TUBB8: variants seen among roughly 807,000 people sequenced by gnomAD.
TUBB8 encodes tubulin beta 8 class VIII.
In TUBB8, 25 loss-of-function variants were observed where a neutral mutation model predicts 33.7. The observed-to-expected ratio is 0.74, with a 90% CI of 0.54 to 1.04. The LOEUF is 1.04. Ranked by LOEUF, TUBB8 falls within the 50% of genes least tolerant of loss-of-function variation. The probability of loss-of-function intolerance (pLI) is 0.00; values close to 1 mark genes in which losing one functional copy is unlikely to be tolerated. For synonymous variants in TUBB8, 245 were observed against 240.1 expected (o/e 1.02, Z -0.19); for missense variants, 279 against 608.0 (o/e 0.46, Z 5.69).
chr10:60,557 A>G (rs1231876014), intron 1 of TUBB8, among the ~76,000 whole-genome samples: 7 of 152,230 alleles, frequency 4.6e-5, no homozygotes, highest in Non-Finnish European at 1.0e-4. Flanking sequence ...AATGGCAATC[A>G]TTAAAAAGTC....
rs1208217202 is a variant in TUBB8 at position 47,561 on chromosome 10, G to T, written c.831C>A (p.Gly277=). 5.0e-6 allele frequency: 8 copies of T among 1,611,424 alleles called. No individual in the cohort carries two copies. The Admixed American group carries it at 5.0e-5, about 10-fold the overall frequency. The part of the protein sequence containing the change: ...MPGFAPLTSR[G]SQQYRALTVA... ...CAGTCAAGGCCCGGTACTGCTGGCTGCCCCGGCTGGTCAGTGGGGCAAAGC... is the reference window on the plus strand; with the variant it reads ...CAGTCAAGGCCCGGTACTGCTGGCTTCCCCGGCTGGTCAGTGGGGCAAAGC... Residue 277 remains glycine, a synonymous_variant, in exon 4 of 4, where the codon GGC becomes GGA. Transcript: ENST00000568584.
rs782114919 is a variant in TUBB8 at position 47,480 on chromosome 10, G to A, written c.912C>T (p.Asp304=). 335 of 1,612,140 alleles carry A rather than the reference G, an allele frequency of 2.1e-4. No homozygotes were observed. In the Middle Eastern group the frequency reaches 3.6e-3, roughly 17 times the overall value. The stretch of plus-strand genomic sequence containing the variant: ...CCGTTAGGTAGCGGCCGTGACGGGG[G>A]TCACAGGCAGCCATCATGTTCTTAG... ...FDAKNMMAAC[D]PRHGRYLTAA... is the part of the protein sequence containing the mutation. Residue 304 remains aspartate, a synonymous_variant, in exon 4 of 4, where the codon GAC becomes GAT. Coordinates refer to ENST00000568584, the MANE Select transcript of TUBB8 (RefSeq NM_177987.3).
At chr10:51,048 C>T (rs1554739515), upstream of TUBB8, among the ~76,000 whole-genome samples, 4 of 152,200 alleles carry the variant, frequency 2.6e-5, no homozygotes, top group African/African-American at 9.6e-5. Flanking sequence ...GTGGGAGGGA[C>T]CCAGTGGGAG....
At chr10:68,485 C>G (rs1244073689) in intron 1 of TUBB8, among the ~76,000 whole-genome samples, 2 of 152,228 alleles carry the variant, frequency 1.3e-5, no homozygotes, top group Non-Finnish European at 2.9e-5. Flanking sequence ...CAGACTCTCA[C>G]CGGGGTGCTT....
chr10:76,154 A>AC (rs1379755146), upstream of TUBB8, among the ~76,000 whole-genome samples: 49 of 150,934 alleles, frequency 3.2e-4, 1 homozygote, highest in Admixed American at 5.9e-4. Flanking sequence ...AAAAAAAAAA[A>AC]AAAAAACACG....
At chr10:48,317 C>T (rs1834397342) in intron 3 of TUBB8, 11 of 661,826 alleles carry the variant, frequency 1.7e-5, no homozygotes, top group South Asian at 1.3e-4. Context: ...AAACCTGAGA[C>T]GGGTTCACAG....
intron 1 of TUBB8, among the ~76,000 whole-genome samples, chr10:62,165 C>A (rs1321545198): frequency 2.0e-5 from 3 of 152,076 alleles, no homozygotes; most frequent in Non-Finnish European, 4.4e-5. Flanking sequence ...GTCCTCTCAT[C>A]GTTCTTTTCT....
chr10:52,455 T>C (rs1834480576), upstream of TUBB8, among the ~76,000 whole-genome samples: 2 of 152,210 alleles, frequency 1.3e-5, no homozygotes, highest in Admixed American at 6.5e-5. Flanking sequence ...AAGAAGCAAG[T>C]TTATTAGAAA....
At chr10:72,585 G>A (rs1554742487) in intron 1 of TUBB8, among the ~76,000 whole-genome samples, 1 of 151,188 alleles carries the variant, frequency 6.6e-6, no homozygotes, top group African/African-American at 2.4e-5. Flanking sequence ...TTGGCTCAGT[G>A]GCTCACGCAT....
intron 1 of TUBB8, among the ~76,000 whole-genome samples, chr10:57,124 A>G (rs77150937): frequency 6.6e-6 from 1 of 152,234 alleles, no homozygotes; most frequent in Non-Finnish European, 1.5e-5. Context: ...TTTTGACTCT[A>G]TGTCCCATTT....
chr10:56,198 C>G (rs11252400), intron 1 of TUBB8, among the ~76,000 whole-genome samples: 1 of 151,462 alleles, frequency 6.6e-6, no homozygotes, highest in Non-Finnish European at 1.5e-5. Flanking sequence ...ACTTTTATTT[C>G]TTTGGTAAAT....
rs782066065 is a variant in TUBB8 at position 47,483 on chromosome 10, A to C, written c.909T>G (p.Cys303Trp). The C allele has an allele frequency of 5.0e-6, 8 of 1,612,294 alleles. No homozygotes were observed. The highest frequency in any genetic ancestry group is 6.8e-6 in the Non-Finnish European group (8 of 1,180,010). Residue 303 changes from cysteine to tryptophan, a missense_variant, in exon 4 of 4, where the codon TGT (cysteine) becomes TGG (tryptophan). Around this residue, in one of 4 missense-constraint regions of TUBB8, gnomAD observed 123 missense variants for 228.9 expected, o/e 0.54. Coordinates refer to ENST00000568584, the MANE Select transcript of TUBB8 (RefSeq NM_177987.3). ...MFDAKNMMAA[C>W]DPRHGRYLTA... ...TTAGGTAGCGGCCGTGACGGGGGTCACAGGCAGCCATCATGTTCTTAGCAT... is the reference window on the plus strand; with the variant it reads ...TTAGGTAGCGGCCGTGACGGGGGTCCCAGGCAGCCATCATGTTCTTAGCAT...
At chr10:61,038 G>A (rs1834595642) in intron 1 of TUBB8, among the ~76,000 whole-genome samples, 1 of 139,216 alleles carries the variant, frequency 7.2e-6, no homozygotes, top group Non-Finnish European at 1.5e-5. Context: ...AGATCACATG[G>A]ACCAGGAAGG....
At chr10:49,307 G>C (rs797032475), upstream of TUBB8, 8 of 1,501,954 alleles carry the variant, frequency 5.3e-6, no homozygotes, top group Non-Finnish European at 7.2e-6. Flanking sequence ...GACCCAGCCC[G>C]CCCTCCGCCA....
At chr10:68,893 T>C (rs1487065094) in intron 1 of TUBB8, among the ~76,000 whole-genome samples, 1 of 152,228 alleles carries the variant, frequency 6.6e-6, no homozygotes, top group Admixed American at 6.5e-5. Flanking sequence ...TTTTCTGGAA[T>C]GTTCCTGAGC....
At chr10:59,530 C>T (rs1332300816) in intron 1 of TUBB8, among the ~76,000 whole-genome samples, 1 of 152,192 alleles carries the variant, frequency 6.6e-6, no homozygotes, top group East Asian at 1.9e-4. Context: ...GACTGATTTG[C>T]ATGTTGAACC....
upstream of TUBB8, among the ~76,000 whole-genome samples, chr10:74,905 A>C (rs1588283674): frequency 1.7e-5 from 2 of 117,712 alleles, no homozygotes; most frequent in African/African-American, 6.7e-5. Context: ...ACGGAGTTTC[A>C]CTCTTATTGC....
intron 1 of TUBB8, among the ~76,000 whole-genome samples, chr10:63,065 C>A (rs1330459050): frequency 6.8e-6 from 1 of 146,486 alleles, no homozygotes; most frequent in Non-Finnish European, 1.5e-5. Context: ...AATATTATTT[C>A]TTTAAATAAA....
chr10:59,866 G>A (rs1187093566), intron 1 of TUBB8, among the ~76,000 whole-genome samples: 5 of 152,166 alleles, frequency 3.3e-5, no homozygotes, highest in Non-Finnish European at 7.3e-5. Context: ...GGTAAGTTGT[G>A]TGTGTCTAAG....
Sources: allele counts gnomAD v4.1 joint callset (sites outside exome capture counted in the v4.1 genomes callset), GRCh38; gene constraint gnomAD v4.1.1; regional missense constraint gnomAD v4.1.1; transcripts MANE v1.5; gene names NCBI Gene and HGNC (gene_info 2026-07-23, HGNC 2026-07-21).